The following MECOM variants were observed in gnomAD, a reference collection of about 807,000 sequenced individuals.
The protein encoded by MECOM is MDS1 and EVI1 complex locus.
MECOM carries 13 observed loss-of-function variants against 116.3 expected under a neutral mutation model. The observed-to-expected ratio is 0.11, with a 90% CI of 0.07 to 0.18. The LOEUF is 0.18. Ranked by LOEUF, MECOM falls within the 10% of genes least tolerant of loss-of-function variation. The pLI, the probability that MECOM is intolerant of heterozygous loss-of-function variation, is 1.00. For missense variants in MECOM, 1,299 were observed against 1,509.0 expected (o/e 0.86, Z 2.31); for synonymous variants, 528 against 535.2 (o/e 0.99, Z 0.19).
At chr3:169,286,476 G>T (rs901277443) in intron 2 of MECOM, among the ~76,000 whole-genome samples, 4 of 152,118 alleles carry the variant, frequency 2.6e-5, no homozygotes, top group Non-Finnish European at 4.4e-5. Context: ...CAGGAAACAG[G>T]CAGCATGTAC....
intron 1 of MECOM, among the ~76,000 whole-genome samples, chr3:169,599,052 T>C (rs771858584): frequency 5.9e-5 from 9 of 152,200 alleles, no homozygotes; most frequent in Non-Finnish European, 1.2e-4. Context: ...AAAACAGACA[T>C]ATTCATTCAT....
chr3:169,198,842 T>G (rs1286002622), intron 2 of MECOM, among the ~76,000 whole-genome samples: 1 of 151,918 alleles, frequency 6.6e-6, no homozygotes, highest in African/African-American at 2.4e-5. Flanking sequence ...CATTTTAGTG[T>G]GCTACGGTAA....
intron 2 of MECOM, among the ~76,000 whole-genome samples, chr3:169,340,524 A>T (rs910289052): frequency 6.6e-6 from 1 of 152,164 alleles, no homozygotes; most frequent in African/African-American, 2.4e-5. Context: ...CCATCATCTC[A>T]TCTGGTTGGT....
chr3:169,472,537 G>GAAAAGAAAA (rs1396907862), intron 1 of MECOM, among the ~76,000 whole-genome samples: 1 of 68,364 alleles, frequency 1.5e-5, no homozygotes, highest in African/African-American at 7.7e-5. Context: ...GAAAAGAAAA[G>GAAAAGAAAA]GAAAGGAAAG....
chr3:169,220,477 T>TATA (rs916703957), intron 2 of MECOM, among the ~76,000 whole-genome samples: 5 of 152,030 alleles, frequency 3.3e-5, no homozygotes, highest in African/African-American at 1.2e-4. Context: ...TAATTTTATT[T>TATA]TTATTATTAT....
intron 2 of MECOM, among the ~76,000 whole-genome samples, chr3:169,341,313 G>A (rs1421226305): frequency 6.6e-6 from 1 of 150,638 alleles, no homozygotes; most frequent in Non-Finnish European, 1.5e-5. Flanking sequence ...AACATCACAT[G>A]TTCTCACTTA....
chr3:169,216,194 C>T (rs1751399163), intron 2 of MECOM, among the ~76,000 whole-genome samples: 1 of 152,158 alleles, frequency 6.6e-6, no homozygotes, highest in African/African-American at 2.4e-5. Flanking sequence ...TCATTGATTT[C>T]CAAATCCCGA....
At chr3:169,345,028 T>C (rs766464499) in intron 2 of MECOM, among the ~76,000 whole-genome samples, 2 of 152,184 alleles carry the variant, frequency 1.3e-5, no homozygotes, top group Non-Finnish European at 2.9e-5. Flanking sequence ...ATTATCACAG[T>C]ATTAATACGA....
intron 2 of MECOM, among the ~76,000 whole-genome samples, chr3:169,276,997 T>TAC (rs71300479): frequency 0.18 from 26,122 of 144,364 alleles, 2,424 homozygotes; most frequent in African/African-American, 0.25. Flanking sequence ...TAATTTATGT[T>TAC]ACACACACAC....
intron 1 of MECOM, among the ~76,000 whole-genome samples, chr3:169,628,529 T>C (rs950262911): frequency 3.3e-5 from 5 of 152,128 alleles, no homozygotes; most frequent in Non-Finnish European, 5.9e-5. Context: ...GATTCAAGGA[T>C]GAATTAGAAG....
chr3:169,510,682 C>G (rs1348620630), intron 1 of MECOM, among the ~76,000 whole-genome samples: 1 of 152,198 alleles, frequency 6.6e-6, no homozygotes, highest in Non-Finnish European at 1.5e-5. Flanking sequence ...TCTGTCTATA[C>G]TCTCCTCCCG....
At chr3:169,382,536 T>G (rs952085806) in intron 1 of MECOM, among the ~76,000 whole-genome samples, 1 of 129,902 alleles carries the variant, frequency 7.7e-6, no homozygotes, top group African/African-American at 2.8e-5. Flanking sequence ...GGATTTCAGT[T>G]GTCTTAGAGC....
intron 1 of MECOM, among the ~76,000 whole-genome samples, chr3:169,448,748 A>T (rs753402492): frequency 6.6e-6 from 1 of 152,160 alleles, no homozygotes; most frequent in Non-Finnish European, 1.5e-5. Context: ...TCACATCTCA[A>T]CTACTCTTGA....
chr3:169,115,166 A>C (rs1202029925), intron 8 of MECOM, among the ~76,000 whole-genome samples: 2 of 152,226 alleles, frequency 1.3e-5, no homozygotes, highest in African/African-American at 4.8e-5. Flanking sequence ...AAAATTCTGT[A>C]GGCCTATTCC....
chr3:169,441,974 G>A lies in MECOM; in HGVS notation c.38-60450C>T, dbSNP rs553041091. On this transcript the variant is annotated intron_variant, in intron 1 of 16. Transcript: ENST00000651503. ...GGAGTCTCTCTCTGTTGCCCAGGCC[G>A]GAGTGCAGTGGCACAATCTCAGCTC... is the stretch of plus-strand genomic sequence containing the variant. 3.3e-5 allele frequency among the ~76,000 whole-genome samples: 5 copies of A among 151,794 alleles called. No homozygotes were observed. The South Asian group carries it at 6.3e-4, about 19-fold the overall frequency.
chr3:169,381,370 G>A lies in MECOM; in HGVS notation c.192C>T (p.Tyr64=), dbSNP rs762437355. The change falls in exon 2 of 17, where the codon TAC becomes TAT. Residue 64 remains tyrosine (Y), a synonymous_variant. Transcript: ENST00000651503. ...CATCAGGGATGTAGATGGGGGCTTT[G>A]TAAGGAGAACCCTCCTTTGGAGTGA... The part of the protein sequence containing the change: ...EAFTPKEGSP[Y]KAPIYIPDDI... 2.9e-5 allele frequency: 46 copies of A among 1,613,776 alleles called. No homozygotes were observed. Among genetic ancestry groups the A allele is most frequent in the Non-Finnish European group, 3.7e-5 (44 of 1,179,816 alleles).
intron 7 of MECOM, among the ~76,000 whole-genome samples, chr3:169,118,723 T>C (rs1386184944): frequency 7.9e-5 from 1 of 12,668 alleles, no homozygotes; most frequent in African/African-American, 1.8e-4. Context: ...ATCAGATGGC[T>C]TAAAAAAAAA....
intron 1 of MECOM, among the ~76,000 whole-genome samples, chr3:169,488,126 G>A (rs545761206): frequency 2.6e-5 from 4 of 152,016 alleles, no homozygotes; most frequent in South Asian, 2.1e-4. Flanking sequence ...ATTTCAACAC[G>A]CCTCTCTCTG....
intron 1 of MECOM, among the ~76,000 whole-genome samples, chr3:169,630,717 G>C (rs1771982254): frequency 6.6e-6 from 1 of 152,164 alleles, no homozygotes; most frequent in African/African-American, 2.4e-5. Flanking sequence ...CTACAAGGCT[G>C]TTTGTTTGTT....
Sources: allele counts gnomAD v4.1 joint callset (sites outside exome capture counted in the v4.1 genomes callset), GRCh38; gene constraint gnomAD v4.1.1; transcripts MANE v1.5; gene names NCBI Gene and HGNC (gene_info 2026-07-23, HGNC 2026-07-21).